Variants in PAPPA observed in about 807,000 individuals in gnomAD.
PAPPA encodes pappalysin-1.
PAPPA carries 60 observed loss-of-function variants against 164.0 expected under a neutral mutation model. The ratio of observed to expected loss-of-function variants is 0.37; its 90% CI spans 0.30 to 0.45. The LOEUF is 0.45. Ranked by LOEUF, PAPPA falls within the 20% of genes least tolerant of loss-of-function variation. The probability of loss-of-function intolerance (pLI) is 1.00; values close to 1 mark genes in which losing one functional copy is unlikely to be tolerated. For missense variants in PAPPA, 1,782 were observed against 2,087.3 expected (o/e 0.85, Z 2.85); for synonymous variants, 875 against 814.1 (o/e 1.07, Z -1.27).
chr9:116,280,973 CCTCAGATTCAACCAAT>C (rs1281718931), intron 9 of PAPPA, among the ~76,000 whole-genome samples: 3 of 152,170 alleles, frequency 2.0e-5, no homozygotes, highest in Non-Finnish European at 4.4e-5. Context: ...GATCCTACAT[CCTCAGATTCAACCAAT>C]CTCAGATACA....
chr9:116,159,390 G>T (rs542808893), intron 1 of PAPPA, among the ~76,000 whole-genome samples: 2 of 152,266 alleles, frequency 1.3e-5, no homozygotes, highest in African/African-American at 2.4e-5. Context: ...TGTTTGTAAG[G>T]CTTCCCCTCT....
chr9:116,304,841 C>T (rs1250913037), intron 10 of PAPPA, among the ~76,000 whole-genome samples: 1 of 152,034 alleles, frequency 6.6e-6, no homozygotes, highest in African/African-American at 2.4e-5. Context: ...TTAATGAAAT[C>T]GACTAGGTTC....
intron 10 of PAPPA, among the ~76,000 whole-genome samples, chr9:116,310,041 G>T (rs1037228599): frequency 7.9e-5 from 12 of 152,256 alleles, no homozygotes; most frequent in African/African-American, 2.2e-4. Flanking sequence ...CCAGGATACT[G>T]GTATTGCATT....
intron 18 of PAPPA, 40 bp downstream of exon 18, chr9:116,362,779 T>G (rs201196139): frequency 2.5e-6 from 4 of 1,594,200 alleles, no homozygotes; most frequent in Non-Finnish European, 3.4e-6. Context: ...GAGGGGCAAT[T>G]CCTTCCAGCA....
chr9:116,396,595 C>A lies in PAPPA; in HGVS notation c.4863C>A (p.Leu1621=), dbSNP rs145760251. Reference sequence around the variant, plus strand: ...CCCAAGAACACAGCCGGAAAGACCTCCGGGGATACAGCCATGGCTAAGGAA... The same window carrying A: ...CCCAAGAACACAGCCGGAAAGACCTACGGGGATACAGCCATGGCTAAGGAA... ...PQAQEHSRKD[L]RGYSHG is the part of the protein sequence containing the mutation. The change falls in exon 22 of 22, where the codon CTC becomes CTA. Residue 1621 remains leucine (L), a synonymous_variant. Coordinates refer to ENST00000328252, the MANE Select transcript of PAPPA (RefSeq NM_002581.5). 1.3e-6 allele frequency: 1 copy of A among 780,714 alleles called. No homozygotes were observed. The highest frequency in any genetic ancestry group is 1.7e-5 in the African/African-American group (1 of 59,130). The allele number at this position is 780,714 out of a possible 1,614,324, so 48.4% of individuals were successfully genotyped here.
intron 9 of PAPPA, among the ~76,000 whole-genome samples, chr9:116,282,369 A>T (rs1845278195): frequency 6.6e-6 from 1 of 152,248 alleles, no homozygotes; most frequent in African/African-American, 2.4e-5. Context: ...GAATTCACAG[A>T]TGGAGAACCC....
At chr9:116,289,271 CATATATATAGCATATAAATAG>C (rs1188767793) in intron 9 of PAPPA, among the ~76,000 whole-genome samples, 6 of 119,256 alleles carry the variant, frequency 5.0e-5, no homozygotes, top group East Asian at 4.9e-4. Flanking sequence ...ATATATATAG[CATATATATAGCATATAAATAG>C]CATATATATA....
intron 1 of PAPPA, among the ~76,000 whole-genome samples, chr9:116,178,073 G>A (rs1378610810): frequency 6.6e-6 from 1 of 152,090 alleles, no homozygotes; most frequent in African/African-American, 2.4e-5. Context: ...TCCCAATTCT[G>A]AAAAAGAAGG....
At chr9:116,368,106 T>G (rs1846525715) in intron 19 of PAPPA, among the ~76,000 whole-genome samples, 2 of 152,314 alleles carry the variant, frequency 1.3e-5, no homozygotes, top group South Asian at 4.1e-4. Context: ...TGAGTCTGTC[T>G]GGCTGGAAAG....
At chr9:116,319,526 G>T (rs1845828179) in intron 10 of PAPPA, among the ~76,000 whole-genome samples, 1 of 152,138 alleles carries the variant, frequency 6.6e-6, no homozygotes, top group Non-Finnish European at 1.5e-5. Context: ...TTCTCCATTT[G>T]AAAAAGGGGG....
chr9:116,187,924 G>C lies in PAPPA; in HGVS notation c.1186G>C (p.Asp396His), dbSNP rs757179474. 170 of 1,614,066 alleles carry C rather than the reference G, an allele frequency of 1.1e-4. No individual in the cohort carries two copies. The highest frequency in any genetic ancestry group is 1.4e-4 in the Non-Finnish European group (165 of 1,180,044). The change falls in exon 2 of 22, where the codon GAC becomes CAC. Residue 396 changes from aspartate (D) to histidine (H), a missense_variant. Coordinates refer to ENST00000328252, the MANE Select transcript of PAPPA (RefSeq NM_002581.5). This position sits in a 1 kb window ranked among gnomAD's most constrained non-coding sequence, Gnocchi z 4.2. ...FKQYNISWEL[D>H]VLEVSNSSLR... ...GCAATACAACATCTCCTGGGAGCTG[G>C]ACGTGCTGGAGGTGAGCAACTCCTC...
chr9:116,207,974 A>G (rs1770702118), intron 3 of PAPPA, among the ~76,000 whole-genome samples: 2 of 152,304 alleles, frequency 1.3e-5, no homozygotes, highest in East Asian at 1.9e-4. Flanking sequence ...AGTTCCTGCA[A>G]ATATCTTCTC....
chr9:116,199,733 A>T (rs1278681464), intron 2 of PAPPA, among the ~76,000 whole-genome samples: 1 of 152,132 alleles, frequency 6.6e-6, no homozygotes, highest in Non-Finnish European at 1.5e-5. Flanking sequence ...TTACAAAGGA[A>T]AGAGATTTAT....
At chr9:116,205,317 G>A (rs1844219833) in intron 2 of PAPPA, among the ~76,000 whole-genome samples, 1 of 152,116 alleles carries the variant, frequency 6.6e-6, no homozygotes, top group Non-Finnish European at 1.5e-5. Flanking sequence ...CAATTAAAAT[G>A]TCTCCCCTGC....
rs539350327 is a variant in PAPPA, at chr9:116,352,819, G to C, written c.4078G>C (p.Ala1360Pro). 2 of 1,613,842 alleles carry C rather than the reference G, an allele frequency of 1.2e-6. No individual in the cohort carries two copies. Among genetic ancestry groups the C allele is most frequent in the African/African-American group, 2.7e-5 (2 of 75,004 alleles). ...TGTGCCCAATGCAGACCTCCAGACCGCCCGGTGCCGAGAGAATAAGCACAA... is the reference window on the plus strand; with the variant it reads ...TGTGCCCAATGCAGACCTCCAGACCCCCCGGTGCCGAGAGAATAAGCACAA... ...PPVPNADLQTARCRENKHKVG... is the reference protein window; with the variant it reads ...PPVPNADLQTPRCRENKHKVG... Residue 1360 changes from alanine (A) to proline (P), a missense_variant, in exon 16 of 22, where the codon GCC becomes CCC. Physicochemically the swap from Ala to Pro is conservative, Grantham distance 27. Transcript: ENST00000328252.
At position 116,378,300 on chromosome 9, in the gene PAPPA, A is replaced by T. The variant is rs529353213; in HGVS notation, c.4677+653A>T. 1.4e-4 allele frequency among the ~76,000 whole-genome samples: 21 copies of T among 152,156 alleles called. No homozygotes were observed. In the South Asian group the frequency reaches 2.7e-3, roughly 20 times the overall value. ...ACAAGCTTGGGAGGACTCAAGGAGC[A>T]TGGTTCTTGGGAGATCAGCTGTGTC... On this transcript the variant is annotated intron_variant, in intron 20 of 21. Transcript: ENST00000328252.
In PAPPA at chr9:116,153,961, A is replaced by G. The variant is rs991905118; in HGVS notation, c.-212A>G. On this transcript the variant is annotated 5_prime_UTR_variant, in exon 1 of 22. Coordinates refer to ENST00000328252, the MANE Select transcript of PAPPA (RefSeq NM_002581.5). ...CGGGGAGAGAAATTAATTGCCAACC[A>G]GGAGGAGTTGGGCTGTATTTTTCAA... The G allele has an allele frequency of 1.7e-5, 7 of 401,674 alleles. No homozygotes were observed. Among genetic ancestry groups the G allele is most frequent in the African/African-American group, 1.1e-4 (5 of 47,134 alleles). 24.9% of individuals were successfully genotyped at this position (401,674 alleles called of 1,614,324 possible). A position where few individuals can be genotyped will look rare whatever the true frequency, so the allele number is the denominator to read the frequency against.
At chr9:116,298,105 C>T (rs1845531392) in intron 9 of PAPPA, among the ~76,000 whole-genome samples, 1 of 152,154 alleles carries the variant, frequency 6.6e-6, no homozygotes, top group Admixed American at 6.5e-5. Flanking sequence ...TATCATTTTC[C>T]TAAGATTTGG....
At chr9:116,360,617 T>TG (rs1242441809) in intron 17 of PAPPA, among the ~76,000 whole-genome samples, 6 of 152,246 alleles carry the variant, frequency 3.9e-5, no homozygotes, top group African/African-American at 1.4e-4. Flanking sequence ...TACTCACTTG[T>TG]GCATTTATTT....
Sources: gnomAD v4.1 joint callset for allele counts (sites outside exome capture counted in the v4.1 genomes callset) on GRCh38, gnomAD v4.1.1 for gene constraint, Gnocchi (gnomAD v3.1) non-coding constraint, MANE v1.5 for transcripts, NCBI Gene and HGNC (gene_info 2026-07-23, HGNC 2026-07-21) for gene names.